HTR7: variants seen among roughly 807,000 people sequenced by gnomAD.
HTR7 encodes 5-hydroxytryptamine receptor 7.
HTR7 carries 16 observed loss-of-function variants against 34.0 expected under a neutral mutation model. The observed-to-expected ratio is 0.47, with a 90% confidence interval of 0.32 to 0.71. The LOEUF (loss-of-function observed/expected upper bound fraction) is 0.71, where lower values mean the gene tolerates loss of function less well. HTR7 is among the 30% of genes least tolerant of loss of function. The probability of loss-of-function intolerance (pLI) is 0.04; values close to 1 mark genes in which losing one functional copy is unlikely to be tolerated. For synonymous variants in HTR7, 265 were observed against 260.2 expected, an observed-to-expected ratio of 1.02 and a Z score of -0.18; for missense variants, 504 against 625.5, an observed-to-expected ratio of 0.81 and a Z score of 2.07.
At chr10:90,840,177 T>TCTCTCACACACA (rs1478516123) in intron 1 of HTR7, among the ~76,000 whole-genome samples, 74 of 136,880 alleles carry the variant, frequency 5.4e-4, no homozygotes, top group South Asian at 4.0e-3. Flanking sequence ...TCTCTCTCTC[T>TCTCTCACACACA]CACACACACA....
At chr10:90,743,532 T>C (rs1844586703) in intron 3 of HTR7, 61 bp downstream of exon 3, 1 of 1,293,334 alleles carries the variant, frequency 7.7e-7, no homozygotes, top group Non-Finnish European at 1.1e-6. Flanking sequence ...ACATAGTTCA[T>C]GTTCTGAATT....
intron 1 of HTR7, among the ~76,000 whole-genome samples, chr10:90,852,899 A>G (rs761414059): frequency 1.9e-4 from 29 of 152,286 alleles, no homozygotes; most frequent in Admixed American, 8.5e-4. Flanking sequence ...CCAGTGTTCT[A>G]TTTCTTAATA....
In HTR7 at chr10:90,838,569, A is replaced by C. The variant is rs1589476573; in HGVS notation, c.539+18564T>G. Among the ~76,000 whole-genome samples the C allele has an allele frequency of 1.3e-5, 2 of 152,332 alleles. 1 individual carries two copies. Among genetic ancestry groups the C allele is most frequent in the Middle Eastern group, 6.8e-3 (2 of 294 alleles). On this transcript the variant is annotated intron_variant, in intron 1 of 3. Coordinates refer to ENST00000336152, the MANE Select transcript of HTR7 (RefSeq NM_019859.4). ...GCCAGACCATTTCACCCTATGTTTC[A>C]AAGTCTCCAGTGGTTCTGCCGCACT...
chr10:90,827,914 C>T (rs1846104578), intron 1 of HTR7, among the ~76,000 whole-genome samples: 1 of 152,172 alleles, frequency 6.6e-6, no homozygotes, highest in South Asian at 2.1e-4. Context: ...GGCTGGAGAA[C>T]ACAATCTTCT....
chr10:90,845,273 C>T (rs139889844), intron 1 of HTR7, among the ~76,000 whole-genome samples: 12 of 152,224 alleles, frequency 7.9e-5, no homozygotes, highest in East Asian at 1.9e-4. Context: ...AGGGTGTCTT[C>T]GGAGAGTTGG....
Position 90,805,276 on chromosome 10 carries a change from T to A in HTR7, c.539+51857A>T, listed in dbSNP as rs183352427. 2.8e-4 allele frequency among the ~76,000 whole-genome samples: 42 copies of A among 152,332 alleles called. No homozygotes were observed. The East Asian group carries it at 3.9e-3, about 14-fold the overall frequency. On this transcript the variant is annotated intron_variant, in intron 1 of 3. Coordinates refer to ENST00000336152, the MANE Select transcript of HTR7 (RefSeq NM_019859.4). ...GCCCTAAAAACCACATGCTTTATTG[T>A]CCCTGTTCCTTAAAGGACTCCACCC... is the stretch of plus-strand genomic sequence containing the variant.
At chr10:90,802,772 T>C (rs185020112) in intron 1 of HTR7, among the ~76,000 whole-genome samples, 28 of 152,340 alleles carry the variant, frequency 1.8e-4, no homozygotes, top group Admixed American at 3.3e-4. Context: ...AGTCTGGTAG[T>C]TAAAATTCAT....
intron 1 of HTR7, among the ~76,000 whole-genome samples, chr10:90,785,169 T>A (rs1845362317): frequency 6.6e-6 from 1 of 152,210 alleles, no homozygotes; most frequent in Non-Finnish European, 1.5e-5. Flanking sequence ...TTTTTCATTG[T>A]TCAGGTCAGC....
At chr10:90,792,075 C>A (rs907626452) in intron 1 of HTR7, among the ~76,000 whole-genome samples, 5 of 152,074 alleles carry the variant, frequency 3.3e-5, no homozygotes, top group Non-Finnish European at 5.9e-5. Flanking sequence ...GAGTATGAAG[C>A]CACTTTATCA....
intron 1 of HTR7, among the ~76,000 whole-genome samples, chr10:90,831,845 C>T (rs1846184504): frequency 6.6e-6 from 1 of 152,142 alleles, no homozygotes; most frequent in African/African-American, 2.4e-5. Context: ...GGTGTATTTA[C>T]AATCCCTTGA....
chr10:90,753,863 A>G (rs1439320834), intron 1 of HTR7, among the ~76,000 whole-genome samples: 3 of 152,194 alleles, frequency 2.0e-5, no homozygotes, highest in East Asian at 3.9e-4. Context: ...TAAGTAATAG[A>G]ATATCATATA....
At chr10:90,810,859 C>T (rs1564690288) in intron 1 of HTR7, among the ~76,000 whole-genome samples, 1 of 152,106 alleles carries the variant, frequency 6.6e-6, no homozygotes, top group South Asian at 2.1e-4. Flanking sequence ...CCTGTCTCGG[C>T]GTAATTCTTA....
At chr10:90,765,815 T>G (rs538384951) in intron 1 of HTR7, among the ~76,000 whole-genome samples, 2 of 152,212 alleles carry the variant, frequency 1.3e-5, no homozygotes, top group African/African-American at 4.8e-5. Flanking sequence ...AATTTCCACA[T>G]AGCTGTGAAT....
At chr10:90,833,671 C>T (rs1846212128) in intron 1 of HTR7, among the ~76,000 whole-genome samples, 1 of 152,078 alleles carries the variant, frequency 6.6e-6, no homozygotes, top group Non-Finnish European at 1.5e-5. Context: ...TGGGGGCCTC[C>T]TTCACATGAC....
At chr10:90,790,865 G>C (rs951100413) in intron 1 of HTR7, among the ~76,000 whole-genome samples, 10 of 152,058 alleles carry the variant, frequency 6.6e-5, no homozygotes, top group African/African-American at 2.4e-4. Context: ...GAGTAAGAGA[G>C]AGAGAAAATT....
intron 1 of HTR7, among the ~76,000 whole-genome samples, chr10:90,792,653 A>T (rs151332311): frequency 1.3e-5 from 2 of 152,228 alleles, no homozygotes; most frequent in African/African-American, 4.8e-5. Flanking sequence ...TTACATGTGG[A>T]TAAAACTATC....
chr10:90,829,762 T>C (rs182985716), intron 1 of HTR7, among the ~76,000 whole-genome samples: 31 of 152,326 alleles, frequency 2.0e-4, no homozygotes, highest in African/African-American at 6.0e-4. Flanking sequence ...TCTGAACTGA[T>C]AAACTCAGTA....
At chr10:90,801,547 T>C (rs1016253570) in intron 1 of HTR7, among the ~76,000 whole-genome samples, 1 of 152,262 alleles carries the variant, frequency 6.6e-6, no homozygotes, top group African/African-American at 2.4e-5. Flanking sequence ...AAGGTTCCCA[T>C]GTAAACATGA....
intron 1 of HTR7, among the ~76,000 whole-genome samples, chr10:90,793,465 T>TATAA (rs1335499498): frequency 6.8e-6 from 1 of 147,282 alleles, no homozygotes; most frequent in Non-Finnish European, 1.5e-5. Context: ...TAATTATATA[T>TATAA]ATATATATTT....
Sources: allele counts gnomAD v4.1 joint callset (sites outside exome capture counted in the v4.1 genomes callset), GRCh38; gene constraint gnomAD v4.1.1; transcripts MANE v1.5; gene names NCBI Gene and HGNC (gene_info 2026-07-23, HGNC 2026-07-21).